Variants in NTRK3 observed in about 807,000 individuals in gnomAD.
NTRK3 encodes neurotrophic receptor tyrosine kinase 3.
A neutral mutation model predicts 91.7 loss-of-function variants in NTRK3; 24 were observed. The ratio of observed to expected loss-of-function variants is 0.26; its 90% CI spans 0.19 to 0.37. The LOEUF is 0.37. Ranked by LOEUF, NTRK3 falls within the 10% of genes least tolerant of loss-of-function variation. The pLI, the probability that NTRK3 is intolerant of heterozygous loss-of-function variation, is 1.00. For synonymous variants in NTRK3, 483 were observed against 404.0 expected, an observed-to-expected ratio of 1.20 and a Z score of -2.34; for missense variants, 880 against 1,068.9, an observed-to-expected ratio of 0.82 and a Z score of 2.46.
intron 3 of NTRK3, among the ~76,000 whole-genome samples, chr15:88,249,484 C>T (rs1429895976): frequency 2.0e-5 from 3 of 152,094 alleles, no homozygotes; most frequent in Non-Finnish European, 2.9e-5. Flanking sequence ...GGAGTGTGCC[C>T]GGGAAGAGAA....
chr15:87,860,250 A>C (rs573052536), exon 19 of NTRK3: 1 of 217,828 alleles, frequency 4.6e-6, no homozygotes, highest in Non-Finnish European at 9.2e-6. Flanking sequence ...ACTGAAGGAC[A>C]TGCACAATGG....
At chr15:87,978,956 G>C in intron 14 of NTRK3, 1 of 346,788 alleles carries the variant, frequency 2.9e-6, no homozygotes, top group Non-Finnish European at 5.3e-6. Context: ...GGGAAAGTGA[G>C]GCTGGAGCAC....
chr15:88,061,708 A>T (rs918639659), intron 13 of NTRK3, among the ~76,000 whole-genome samples: 1 of 152,318 alleles, frequency 6.6e-6, no homozygotes, highest in Admixed American at 6.5e-5. Context: ...GACGTCAGAG[A>T]GGCTGGGCTG....
chr15:88,061,750 C>A (rs1049997475), intron 13 of NTRK3, among the ~76,000 whole-genome samples: 1 of 152,180 alleles, frequency 6.6e-6, no homozygotes, highest in Admixed American at 6.5e-5. Context: ...GTTCTGGAAC[C>A]CTTTCTTAGA....
intron 15 of NTRK3, among the ~76,000 whole-genome samples, chr15:87,939,907 G>A (rs541961804): frequency 6.6e-6 from 1 of 152,326 alleles, no homozygotes; most frequent in African/African-American, 2.4e-5. Flanking sequence ...AGGACAACTA[G>A]TAGTAGCAAA....
At chr15:88,140,610 A>G (rs2042297200) in intron 6 of NTRK3, among the ~76,000 whole-genome samples, 1 of 152,260 alleles carries the variant, frequency 6.6e-6, no homozygotes, top group South Asian at 2.1e-4. Context: ...GAAAGATGTA[A>G]AACTCCAGAA....
At position 88,012,896 on chromosome 15, in the gene NTRK3, T is replaced by C. The variant is rs374423663; in HGVS notation, c.1585+19961A>G. Among the ~76,000 whole-genome samples, 45 of 152,352 alleles carry C rather than the reference T, an allele frequency of 3.0e-4. 1 individual carries two copies. The East Asian group carries it at 6.9e-3, about 23-fold the overall frequency. ...TGGGTCTGAAGTGAATCCTGAGAAT[T>C]TGCATTTCTAACAAGTTTCCAGTTA... On this transcript the variant is annotated intron_variant, in intron 14 of 18. Coordinates refer to ENST00000394480, the Ensembl canonical transcript of NTRK3.
exon 19 of NTRK3, chr15:87,860,478 ATTT>A (rs5814309): frequency 8.3e-4 from 159 of 190,710 alleles, no homozygotes; most frequent in Non-Finnish European, 1.1e-3. Flanking sequence ...TCAAGTTAGA[ATTT>A]TTTTTTTTTT....
intron 17 of NTRK3, among the ~76,000 whole-genome samples, chr15:87,880,991 A>G (rs1230350067): frequency 6.6e-6 from 1 of 152,244 alleles, no homozygotes; most frequent in African/African-American, 2.4e-5. Flanking sequence ...AAGGTAGGAG[A>G]TGGACAGAAA....
intron 13 of NTRK3, among the ~76,000 whole-genome samples, chr15:88,085,454 A>C (rs1292729903): frequency 6.6e-6 from 1 of 152,180 alleles, no homozygotes; most frequent in Non-Finnish European, 1.5e-5. Flanking sequence ...TGCCATGAGA[A>C]GAATATGCTC....
At chr15:87,864,846 G>A (rs2064620918) in exon 19 of NTRK3, 1 of 228,928 alleles carries the variant, frequency 4.4e-6, no homozygotes, top group East Asian at 6.2e-5. Context: ...TGCCCAGAGA[G>A]TGGGCTCTAT....
At chr15:87,916,322 A>T in intron 17 of NTRK3, 1 of 409,348 alleles carries the variant, frequency 2.4e-6, no homozygotes, top group Non-Finnish European at 4.4e-6. Context: ...AAAAAAAAAA[A>T]GGCCTTTTGC....
intron 17 of NTRK3, among the ~76,000 whole-genome samples, chr15:87,898,801 C>A (rs2066280864): frequency 8.2e-6 from 1 of 121,630 alleles, no homozygotes; most frequent in South Asian, 2.7e-4. Context: ...GCCTGGCCAA[C>A]ACAGTGAAAC....
intron 5 of NTRK3, among the ~76,000 whole-genome samples, chr15:88,170,705 G>A (rs906105615): frequency 3.3e-5 from 5 of 152,262 alleles, no homozygotes; most frequent in Middle Eastern, 3.4e-3. Context: ...CCCTCAGGAC[G>A]TAGGCTATGG....
intron 14 of NTRK3, among the ~76,000 whole-genome samples, chr15:87,976,397 C>G (rs370792992): frequency 5.3e-5 from 8 of 152,228 alleles, no homozygotes; most frequent in African/African-American, 1.9e-4. Flanking sequence ...CAGACTGGAA[C>G]GTGAGCTCTT....
At chr15:88,216,147 C>A (rs1457575756) in intron 3 of NTRK3, among the ~76,000 whole-genome samples, 1 of 152,126 alleles carries the variant, frequency 6.6e-6, no homozygotes, top group Admixed American at 6.5e-5. Flanking sequence ...CCCATTTAAG[C>A]CAGGATTAAA....
At chr15:88,036,715 G>C (rs1308861402) in intron 13 of NTRK3, among the ~76,000 whole-genome samples, 1 of 152,186 alleles carries the variant, frequency 6.6e-6, no homozygotes, top group Admixed American at 6.5e-5. Context: ...AAGCCTTCCT[G>C]CAACTACAGA....
At chr15:88,075,796 G>C (rs1597154059) in intron 13 of NTRK3, among the ~76,000 whole-genome samples, 1 of 152,188 alleles carries the variant, frequency 6.6e-6, no homozygotes, top group Admixed American at 6.5e-5. Flanking sequence ...GTGGGGGCAG[G>C]GGGTGTCACA....
At chr15:87,911,994 C>T (rs1383862824) in intron 17 of NTRK3, among the ~76,000 whole-genome samples, 2 of 152,172 alleles carry the variant, frequency 1.3e-5, no homozygotes, top group Admixed American at 6.5e-5. Context: ...CATTTCAAGG[C>T]AATAGGACAA....
Sources: allele counts gnomAD v4.1 joint callset (sites outside exome capture counted in the v4.1 genomes callset), GRCh38; gene constraint gnomAD v4.1.1; transcripts MANE v1.5; gene names NCBI Gene and HGNC (gene_info 2026-07-23, HGNC 2026-07-21).